The following DIAPH2 variants were observed in gnomAD, a reference collection of about 807,000 sequenced individuals.
The protein encoded by DIAPH2 is protein diaphanous homolog 2.
DIAPH2 carries 35 observed loss-of-function variants against 92.7 expected under a neutral mutation model. The observed-to-expected ratio is 0.38, with a 90% CI of 0.29 to 0.50. DIAPH2 has a LOEUF of 0.50. Ranked by LOEUF, DIAPH2 falls within the 20% of genes least tolerant of loss-of-function variation. The pLI is 0.94. For synonymous variants in DIAPH2, 301 were observed against 280.4 expected, an observed-to-expected ratio of 1.07 and a Z score of -0.73; for missense variants, 701 against 819.5, an observed-to-expected ratio of 0.86 and a Z score of 1.77.
rs1455099173 is a variant in DIAPH2 at position 97,320,673 on chromosome X, C to T, written c.2845-27443C>T. On this transcript the variant is annotated intron_variant, in intron 23 of 26. Transcript: ENST00000324765. ...GAGGTTGCAGTGAGCCAGGATGGTG[C>T]CACTGCACTCCAGCCTGAGTAACAG... Among the ~76,000 whole-genome samples the T allele has an allele frequency of 8.0e-5, 8 of 99,873 alleles. No homozygotes were observed. In the East Asian group the frequency reaches 2.7e-3, roughly 33 times the overall value. 86.7% of individuals were successfully genotyped at this position (99,873 alleles called of 115,157 possible).
rs1190516310 is a variant in DIAPH2 at position 97,511,051 on chromosome X, T to G, written c.3241+81306T>G. The stretch of plus-strand genomic sequence containing the variant: ...GTTTTTTCCAATTCTGTGAAGAAAG[T>G]CATTGGTAGCTTGATGGGGATGGCA... On this transcript the variant is annotated intron_variant, in intron 26 of 26. Coordinates refer to ENST00000324765, the MANE Select transcript of DIAPH2 (RefSeq NM_006729.5). Among the ~76,000 whole-genome samples, 231 of 104,162 alleles carry G rather than the reference T, an allele frequency of 2.2e-3. 1 individual carries two copies. The highest frequency in any genetic ancestry group is 3.6e-3 in the Non-Finnish European group (178 of 50,015). The allele number at this position is 104,162 out of a possible 115,157, so 90.5% of individuals were successfully genotyped here.
At chrX:96,782,865 A>C (rs1451926567) in intron 4 of DIAPH2, among the ~76,000 whole-genome samples, 1 of 111,862 alleles carries the variant, frequency 8.9e-6, no homozygotes, top group Non-Finnish European at 1.9e-5. Flanking sequence ...GGTTAGTGTT[A>C]GAGTAGACCA....
At chrX:96,773,003 C>G (rs769572216) in intron 4 of DIAPH2, among the ~76,000 whole-genome samples, 9 of 111,765 alleles carry the variant, frequency 8.1e-5, no homozygotes, top group Non-Finnish European at 1.7e-4. Flanking sequence ...TGTCTGTATC[C>G]AAGATATAAC....
intron 17 of DIAPH2, among the ~76,000 whole-genome samples, chrX:97,014,421 A>G (rs2066247097): frequency 8.9e-6 from 1 of 111,946 alleles, no homozygotes; most frequent in Non-Finnish European, 1.9e-5. Context: ...TGGAGTTAAT[A>G]CTTCTGTTGC....
At position 97,573,660 on chromosome X, in the gene DIAPH2, T is replaced by G. The variant is rs761672338; in HGVS notation, c.3242-25593T>G. Among the ~76,000 whole-genome samples, 527 of 107,324 alleles carry G rather than the reference T, an allele frequency of 4.9e-3. 3 individuals are homozygous for G. Among genetic ancestry groups the G allele is most frequent in the African/African-American group, 0.017 (492 of 29,229 alleles). The allele number at this position is 107,324 out of a possible 115,157, so 93.2% of individuals were successfully genotyped here. On this transcript the variant is annotated intron_variant, in intron 26 of 26. Coordinates refer to ENST00000324765, the MANE Select transcript of DIAPH2 (RefSeq NM_006729.5). Reference sequence around the variant, plus strand: ...ATGTTTTTTTGGGGTTTTTTTGTTTTTTTTTTTGTTTTTTTTTGAGGTGGA... The same window carrying G: ...ATGTTTTTTTGGGGTTTTTTTGTTTGTTTTTTTGTTTTTTTTTGAGGTGGA...
chrX:96,810,275 T>G (rs1055390516), intron 4 of DIAPH2, among the ~76,000 whole-genome samples: 1 of 112,588 alleles, frequency 8.9e-6, no homozygotes, highest in African/African-American at 3.2e-5. Flanking sequence ...CCAGTGATGA[T>G]GAGCATTTTT....
At chrX:96,968,231 A>C (rs2147828326) in intron 17 of DIAPH2, among the ~76,000 whole-genome samples, 1 of 108,562 alleles carries the variant, frequency 9.2e-6, no homozygotes, top group Admixed American at 9.9e-5. Context: ...TTATTTATTT[A>C]TTTTGTGACA....
intron 2 of DIAPH2, among the ~76,000 whole-genome samples, chrX:96,737,127 G>A (rs1480059967): frequency 8.9e-6 from 1 of 111,838 alleles, no homozygotes; most frequent in Non-Finnish European, 1.9e-5. Context: ...ACCAGGGGCT[G>A]TTGGATTTAG....
chrX:97,036,923 A>G (rs1195854545), intron 17 of DIAPH2, among the ~76,000 whole-genome samples: 2 of 111,590 alleles, frequency 1.8e-5, no homozygotes, highest in Non-Finnish European at 3.8e-5. Flanking sequence ...GTGCTAAATA[A>G]TGTGCTGGAT....
At chrX:97,287,952 CAAAAAAAAAA>C (rs748309881) in intron 23 of DIAPH2, among the ~76,000 whole-genome samples, 36 of 39,782 alleles carry the variant, frequency 9.0e-4, no homozygotes, top group African/African-American at 3.3e-3. Flanking sequence ...GACTCTGTCT[CAAAAAAAAAA>C]AAAAAAAAAA....
intron 17 of DIAPH2, among the ~76,000 whole-genome samples, chrX:97,005,908 C>CT (rs58056111): frequency 0.033 from 2,232 of 68,120 alleles, 87 homozygotes; most frequent in African/African-American, 0.11. Flanking sequence ...TGAAGTTTTT[C>CT]TTTTTTTTTT....
intron 23 of DIAPH2, among the ~76,000 whole-genome samples, chrX:97,330,588 C>T (rs1382595447): frequency 1.8e-5 from 2 of 108,691 alleles, no homozygotes; most frequent in Admixed American, 9.9e-5. Flanking sequence ...TCTTGGCTCA[C>T]TGCAACATCT....
intron 4 of DIAPH2, among the ~76,000 whole-genome samples, chrX:96,766,553 T>C (rs2064305347): frequency 9.0e-6 from 1 of 111,646 alleles, no homozygotes; most frequent in Non-Finnish European, 1.9e-5. Flanking sequence ...TTTTGCATCA[T>C]GGTCTCAATC....
Position 97,320,957 on chromosome X carries a change from G to T in DIAPH2, c.2845-27159G>T, listed in dbSNP as rs766858748. On this transcript the variant is annotated intron_variant, in intron 23 of 26. Coordinates refer to ENST00000324765, the MANE Select transcript of DIAPH2 (RefSeq NM_006729.5). ...TTTAATTTCTGATGGAATTAGTAGA[G>T]ATTTTATTACTAATTCATTTAGTAT... 1.1e-4 allele frequency among the ~76,000 whole-genome samples: 12 copies of T among 111,688 alleles called. No individual in the cohort carries two copies. In the South Asian group the frequency reaches 4.5e-3, roughly 41 times the overall value.
rs774276583 is a variant in DIAPH2, at chrX:97,260,660, C to G, written c.2844+12821C>G. ...GGACATTTTATGTTTAAAAAACCCT[C>G]TTAACTTTTCTCCCCCAAAAGTTGC... On this transcript the variant is annotated intron_variant, in intron 23 of 26. Coordinates refer to ENST00000324765, the MANE Select transcript of DIAPH2 (RefSeq NM_006729.5). Among the ~76,000 whole-genome samples the G allele has an allele frequency of 1.5e-4, 17 of 112,036 alleles. No individual in the cohort carries two copies. In the South Asian group the frequency reaches 6.3e-3, roughly 41 times the overall value.
chrX:96,730,538 G>A (rs2064047634), intron 1 of DIAPH2, among the ~76,000 whole-genome samples: 2 of 111,618 alleles, frequency 1.8e-5, no homozygotes, highest in African/African-American at 3.3e-5. Flanking sequence ...CAGGGATGTC[G>A]TCCAGAGAAA....
intron 25 of DIAPH2, among the ~76,000 whole-genome samples, chrX:97,398,741 ATTTT>A (rs1402119361): frequency 1.0e-5 from 1 of 95,935 alleles, no homozygotes. Context: ...GAAGGATGTG[ATTTT>A]TTTTTTTTTT....
At chrX:97,206,727 A>T (rs1321778950) in intron 22 of DIAPH2, among the ~76,000 whole-genome samples, 2 of 111,614 alleles carry the variant, frequency 1.8e-5, no homozygotes, top group Non-Finnish European at 3.8e-5. Context: ...GCTAAAAGAA[A>T]TTTTTTTTAA....
chrX:97,571,927 T>G (rs2071372709), intron 26 of DIAPH2, among the ~76,000 whole-genome samples: 1 of 112,051 alleles, frequency 8.9e-6, no homozygotes. Context: ...CATTGTTGAC[T>G]CCTGTCAGAC....
Sources: gnomAD v4.1 joint callset for allele counts (sites outside exome capture counted in the v4.1 genomes callset) on GRCh38, gnomAD v4.1.1 for gene constraint, MANE v1.5 for transcripts, NCBI Gene and HGNC (gene_info 2026-07-23, HGNC 2026-07-21) for gene names.